EXT2: variants seen among roughly 807,000 people sequenced by gnomAD.
EXT2 encodes the protein exostosin glycosyltransferase 2, also known as exostosin-2.
A neutral mutation model predicts 81.6 loss-of-function variants in EXT2; 53 were observed. That is an observed-to-expected ratio of 0.65 (90% CI 0.52 to 0.82). The LOEUF (loss-of-function observed/expected upper bound fraction) is 0.82, where lower values mean the gene tolerates loss of function less well. Among genes scored for constraint, EXT2 ranks in the 40% least tolerant of loss-of-function variants. The pLI is 0.00. For synonymous variants in EXT2, 320 were observed against 340.0 expected (o/e 0.94, Z 0.65); for missense variants, 774 against 910.2 (o/e 0.85, Z 1.93).
intron 4 of EXT2, among the ~76,000 whole-genome samples, chr11:44,120,823 T>G (rs1453120434): frequency 1.3e-5 from 2 of 152,236 alleles, no homozygotes; most frequent in Admixed American, 1.3e-4. Flanking sequence ...CCTTCTAAAA[T>G]GAACTAAATT....
chr11:44,153,536 G>A (rs1205627729), intron 7 of EXT2, among the ~76,000 whole-genome samples: 3 of 151,798 alleles, frequency 2.0e-5, no homozygotes, highest in Non-Finnish European at 2.9e-5. Context: ...GCATTGGCTA[G>A]GACTTTCAGT....
intron 7 of EXT2, among the ~76,000 whole-genome samples, chr11:44,154,162 T>G (rs1954829514): frequency 6.6e-6 from 1 of 152,128 alleles, no homozygotes; most frequent in Non-Finnish European, 1.5e-5. Flanking sequence ...CTATAGTCTT[T>G]TAGTCATTTT....
chr11:44,236,420 T>G, intron 13 of EXT2, 45 bp downstream of exon 13: 24 of 1,568,458 alleles, frequency 1.5e-5, no homozygotes, highest in Non-Finnish European at 2.0e-5. Context: ...CTCTGATCTC[T>G]ATTTCCTGCC....
At chr11:44,100,774 C>A (rs544873220) in intron 1 of EXT2, among the ~76,000 whole-genome samples, 2 of 152,274 alleles carry the variant, frequency 1.3e-5, no homozygotes, top group South Asian at 4.1e-4. Flanking sequence ...CTGCTAAAGT[C>A]AGGGCAATGG....
intron 9 of EXT2, among the ~76,000 whole-genome samples, chr11:44,203,810 C>T (rs1495119): frequency 0.26 from 39,130 of 152,126 alleles, 6,064 homozygotes; most frequent in Admixed American, 0.43. Flanking sequence ...AAAGCCACCC[C>T]CATGCGCTGC....
intron 10 of EXT2, among the ~76,000 whole-genome samples, chr11:44,218,551 T>A (rs965089570): frequency 6.6e-6 from 1 of 152,130 alleles, no homozygotes; most frequent in African/African-American, 2.4e-5. Flanking sequence ...TTGCAGAGAC[T>A]GGAGATTGTG....
chr11:44,204,252 A>G (rs575147781), intron 9 of EXT2, among the ~76,000 whole-genome samples: 1 of 152,348 alleles, frequency 6.6e-6, no homozygotes, highest in South Asian at 2.1e-4. Context: ...AATGTACAGT[A>G]GAGTTCTCCA....
At chr11:44,204,393 G>T (rs564332714) in intron 9 of EXT2, among the ~76,000 whole-genome samples, 1 of 152,178 alleles carries the variant, frequency 6.6e-6, no homozygotes, top group African/African-American at 2.4e-5. Context: ...GTGTGTGTGT[G>T]TGTGTATCCT....
At chr11:44,126,770 T>C in intron 5 of EXT2, 46 bp from the exon 6 acceptor site, 1 of 1,613,928 alleles carries the variant, frequency 6.2e-7, no homozygotes, top group Non-Finnish European at 8.5e-7. Context: ...AGTTAGTGGA[T>C]CAGCAAAACT....
intron 6 of EXT2, among the ~76,000 whole-genome samples, chr11:44,129,689 G>C (rs938639919): frequency 1.3e-5 from 2 of 152,266 alleles, no homozygotes; most frequent in African/African-American, 4.8e-5. Flanking sequence ...TAAAGGAAGA[G>C]TGTACTAGGT....
chr11:44,234,200 T>C lies in EXT2; in HGVS notation c.1892T>C (p.Met631Thr), dbSNP rs376274322. The change falls in exon 12 of 14, where the codon ATG becomes ACG. Residue 631 changes from methionine (M) to threonine (T), a missense_variant. By Grantham distance (81) the Met-to-Thr change is moderately conservative. This residue lies in a region of EXT2 where 148 missense variants were observed against 239.7 expected (regional missense o/e 0.62). Coordinates refer to ENST00000533608, the MANE Select transcript of EXT2 (RefSeq NM_207122.2). ...DAHMNCEDIA[M>T]NFLVANVTGK... ...CATATGAACTGTGAAGATATTGCCA[T>C]GAACTTCCTGGTGGCCAACGTCACG... 3.4e-5 allele frequency: 55 copies of C among 1,614,066 alleles called. No individual in the cohort carries two copies. Among genetic ancestry groups the C allele is most frequent in the Non-Finnish European group, 4.6e-5 (54 of 1,180,030 alleles).
intron 9 of EXT2, among the ~76,000 whole-genome samples, chr11:44,199,102 T>A (rs1202180997): frequency 2.6e-5 from 4 of 152,212 alleles, no homozygotes; most frequent in Non-Finnish European, 5.9e-5. Flanking sequence ...ATTCCCTGAT[T>A]TTTAAAAATT....
At chr11:44,141,419 G>A (rs1356049311) in intron 7 of EXT2, among the ~76,000 whole-genome samples, 2 of 152,148 alleles carry the variant, frequency 1.3e-5, no homozygotes, top group Non-Finnish European at 2.9e-5. Context: ...AAAACCAAAT[G>A]AGCAGCAAAA....
chr11:44,243,884 G>T (rs1956066447), intron 13 of EXT2, among the ~76,000 whole-genome samples: 1 of 151,984 alleles, frequency 6.6e-6, no homozygotes. Context: ...CAGGCCCGTG[G>T]CCTCCAAGCA....
chr11:44,174,315 C>G (rs1310413644), intron 8 of EXT2, among the ~76,000 whole-genome samples: 4 of 152,040 alleles, frequency 2.6e-5, no homozygotes, highest in African/African-American at 9.7e-5. Flanking sequence ...TTTGAATGAA[C>G]AAGGCAGAGA....
intron 5 of EXT2, among the ~76,000 whole-genome samples, chr11:44,125,546 G>A (rs1346132741): frequency 6.6e-6 from 1 of 152,124 alleles, no homozygotes; most frequent in Non-Finnish European, 1.5e-5. Flanking sequence ...GGTCTCTTTG[G>A]GGATGTTTTA....
intron 7 of EXT2, among the ~76,000 whole-genome samples, chr11:44,159,610 G>T (rs1357833879): frequency 6.6e-6 from 1 of 152,122 alleles, no homozygotes; most frequent in Admixed American, 6.5e-5. Context: ...TTTCTGGTCT[G>T]GTAATTTCAG....
intron 10 of EXT2, among the ~76,000 whole-genome samples, chr11:44,210,421 T>A (rs1046095477): frequency 6.6e-6 from 1 of 152,146 alleles, no homozygotes; most frequent in Non-Finnish European, 1.5e-5. Context: ...TATGATTCCA[T>A]ATATATAAAA....
intron 9 of EXT2, among the ~76,000 whole-genome samples, chr11:44,204,590 A>C (rs1292805862): frequency 6.6e-6 from 1 of 152,224 alleles, no homozygotes; most frequent in Non-Finnish European, 1.5e-5. Context: ...GTTAGGAACC[A>C]AGCTGCACAG....
Sources: gnomAD v4.1 joint callset for allele counts (sites outside exome capture counted in the v4.1 genomes callset) on GRCh38, gnomAD v4.1.1 for gene constraint, gnomAD v4.1.1 regional missense constraint, MANE v1.5 for transcripts, NCBI Gene and HGNC (gene_info 2026-07-23, HGNC 2026-07-21) for gene names.